NFATC1: variants seen among roughly 807,000 people sequenced by gnomAD.
The protein encoded by NFATC1 is nuclear factor of activated T-cells, cytoplasmic 1.
Under a neutral mutation model 76.0 loss-of-function variants are expected in NFATC1, and 22 were observed. That is an observed-to-expected ratio of 0.29 (90% CI 0.21 to 0.41). The LOEUF (loss-of-function observed/expected upper bound fraction) is 0.41, where lower values mean the gene tolerates loss of function less well. Among genes scored for constraint, NFATC1 ranks in the 10% least tolerant of loss-of-function variants. The probability of loss-of-function intolerance (pLI) is 1.00; values close to 1 mark genes in which losing one functional copy is unlikely to be tolerated. For missense variants in NFATC1, 1,357 were observed against 1,337.7 expected, an observed-to-expected ratio of 1.01 and a Z score of -0.23; for synonymous variants, 704 against 613.1, an observed-to-expected ratio of 1.15 and a Z score of -2.19.
At chr18:79,402,397 C>T (rs2085298008) in intron 1 of NFATC1, 1 of 985,040 alleles carries the variant, frequency 1.0e-6, no homozygotes, top group Admixed American at 6.2e-5. Flanking sequence ...GGACACAGTC[C>T]TCCCCGGCAC....
chr18:79,470,743 C>T (rs2088752205), intron 8 of NFATC1: 1 of 152,346 alleles, frequency 6.6e-6, no homozygotes, highest in Non-Finnish European at 1.5e-5. Flanking sequence ...GGCCCCGCCT[C>T]CCGTCTTCAG....
chr18:79,407,688 G>T (rs536263854), intron 1 of NFATC1, among the ~76,000 whole-genome samples: 15 of 152,202 alleles, frequency 9.9e-5, no homozygotes, highest in African/African-American at 3.6e-4. Flanking sequence ...CAGATGATCC[G>T]CCCACCTCGG....
In NFATC1 at chr18:79,407,782, G is replaced by T. The variant is rs114449338; in HGVS notation, c.128-2621G>T. On this transcript the variant is annotated intron_variant, in intron 1 of 9. Coordinates refer to ENST00000427363, the MANE Select transcript of NFATC1 (RefSeq NM_001278669.2). ...TATTGACATTACTGTTCTCTCTCCG[G>T]TGCAGGAGACTGCGTGGCTCCCGTC... 8.7e-3 allele frequency among the ~76,000 whole-genome samples: 1,330 copies of T among 152,302 alleles called. 19 individuals carry two copies. The highest frequency in any genetic ancestry group is 0.03 in the African/African-American group (1,253 of 41,564).
intron 1 of NFATC1, among the ~76,000 whole-genome samples, chr18:79,397,642 A>T (rs1213967273): frequency 1.3e-5 from 2 of 152,164 alleles, no homozygotes; most frequent in South Asian, 4.1e-4. Context: ...GAGTTTAAAA[A>T]ATTTTTTTTT....
At chr18:79,400,678 G>A (rs2085175675) in intron 1 of NFATC1, among the ~76,000 whole-genome samples, 1 of 61,126 alleles carries the variant, frequency 1.6e-5, no homozygotes, top group African/African-American at 4.3e-5. Context: ...CTCGCGGCGG[G>A]GTCCTGGGGG....
chr18:79,454,630 C>T (rs1056208019), intron 6 of NFATC1, among the ~76,000 whole-genome samples: 2 of 152,174 alleles, frequency 1.3e-5, no homozygotes, highest in Admixed American at 6.5e-5. Context: ...CTCAGGGCGG[C>T]GCAAAAGGCC....
At chr18:79,436,090 AAAAC>A (rs774654359) in intron 3 of NFATC1, among the ~76,000 whole-genome samples, 231 of 152,344 alleles carry the variant, frequency 1.5e-3, no homozygotes, top group South Asian at 9.5e-3. Flanking sequence ...GCATAATTTA[AAAAC>A]AAACGAGAAT....
chr18:79,522,160 T>TGG (rs1287993360), intron 9 of NFATC1, among the ~76,000 whole-genome samples: 10 of 16,276 alleles, frequency 6.1e-4, no homozygotes, highest in African/African-American at 3.6e-3. Flanking sequence ...TCTGTGTGTG[T>TGG]GTGGGGGGGT....
intron 3 of NFATC1, 60 bp downstream of exon 3, chr18:79,433,798 T>C (rs947374284): frequency 8.9e-6 from 14 of 1,569,540 alleles, no homozygotes; most frequent in African/African-American, 4.1e-5. Context: ...AAAGTAACTT[T>C]GGAGCCACAG....
chr18:79,402,547 C>A (rs189755047), intron 1 of NFATC1, among the ~76,000 whole-genome samples: 147 of 152,334 alleles, frequency 9.6e-4, no homozygotes, highest in African/African-American at 2.8e-3. Flanking sequence ...GCTCTCCAGG[C>A]GGCTTGTGAA....
chr18:79,415,331 G>A, intron 2 of NFATC1, among the ~76,000 whole-genome samples: 1 of 152,054 alleles, frequency 6.6e-6, no homozygotes, highest in East Asian at 1.9e-4. Flanking sequence ...CACCCAGACT[G>A]GAGTGCAGTG....
At chr18:79,479,543 G>T (rs1189768139) in intron 8 of NFATC1, among the ~76,000 whole-genome samples, 1 of 152,268 alleles carries the variant, frequency 6.6e-6, no homozygotes, top group Admixed American at 6.5e-5. Flanking sequence ...ATGTTCGTGT[G>T]TTTAAGCTTC....
chr18:79,505,829 G>A (rs867544675), intron 9 of NFATC1, among the ~76,000 whole-genome samples: 80 of 145,010 alleles, frequency 5.5e-4, no homozygotes, highest in African/African-American at 1.6e-3. Context: ...AGGCCCTTGG[G>A]TGAGGGAAGA....
intron 9 of NFATC1, chr18:79,523,922 C>T (rs537515753): frequency 5.3e-5 from 8 of 152,310 alleles, no homozygotes; most frequent in South Asian, 4.1e-4. Context: ...GTCTCCCACA[C>T]GCCGTGAGGG....
chr18:79,522,368 CTGTG>C (rs1265679303), intron 9 of NFATC1, among the ~76,000 whole-genome samples: 1 of 38,892 alleles, frequency 2.6e-5, no homozygotes, highest in Admixed American at 4.0e-4. Context: ...GTTTGTGTCT[CTGTG>C]TGTGTGGGGG....
At chr18:79,498,935 A>G (rs1453267858) in intron 9 of NFATC1, among the ~76,000 whole-genome samples, 1 of 152,232 alleles carries the variant, frequency 6.6e-6, no homozygotes, top group East Asian at 1.9e-4. Context: ...ATCTTTAGAG[A>G]TGAAGAAACA....
Position 79,411,045 on chromosome 18 carries a change from C to T in NFATC1, c.770C>T (p.Ser257Phe), listed in dbSNP as rs752233957. 1.2e-6 allele frequency: 2 copies of T among 1,611,856 alleles called. No homozygotes were observed. The highest frequency in any genetic ancestry group is 1.7e-6 in the Non-Finnish European group (2 of 1,179,562). Residue 257 changes from serine (S) to phenylalanine (F), a missense_variant, in exon 2 of 10, where the codon TCC becomes TTC. This residue lies in a region of NFATC1 where 691 missense variants were observed against 613.1 expected (regional missense o/e 1.13). Transcript: ENST00000427363. ...GAGAGCTGGCTGGGTGCCCGCTCCTCCAGACCCGCGTCCCCTTGCAACAAG... is the reference window on the plus strand; with the variant it reads ...GAGAGCTGGCTGGGTGCCCGCTCCTTCAGACCCGCGTCCCCTTGCAACAAG... ...TEESWLGARSSRPASPCNKRK... is the reference protein window; with the variant it reads ...TEESWLGARSFRPASPCNKRK...
Position 79,442,422 on chromosome 18 carries a change from G to A in NFATC1, c.1387-6360G>A, listed in dbSNP as rs147548591. ...CTCCAAGAAGAGGGGCTCCTGCCGCGTGCCTGTTCTGGGGTTGCCACTCAA... is the reference window on the plus strand; with the variant it reads ...CTCCAAGAAGAGGGGCTCCTGCCGCATGCCTGTTCTGGGGTTGCCACTCAA... On this transcript the variant is annotated intron_variant, in intron 3 of 9. Transcript: ENST00000427363. Among the ~76,000 whole-genome samples the A allele has an allele frequency of 4.3e-3, 649 of 152,354 alleles. 13 individuals carry two copies. The highest frequency in any genetic ancestry group is 9.2e-3 in the African/African-American group (381 of 41,592).
intron 9 of NFATC1, among the ~76,000 whole-genome samples, chr18:79,494,148 C>T (rs552199375): frequency 2.0e-5 from 3 of 152,376 alleles, no homozygotes; most frequent in Admixed American, 1.3e-4. Flanking sequence ...CGAGAAAACT[C>T]GCTGCCACCT....
Sources: allele counts gnomAD v4.1 joint callset (sites outside exome capture counted in the v4.1 genomes callset), GRCh38; gene constraint gnomAD v4.1.1; regional missense constraint gnomAD v4.1.1; transcripts MANE v1.5; gene names NCBI Gene and HGNC (gene_info 2026-07-23, HGNC 2026-07-21).